The following HMCN1 variants were observed in gnomAD, a reference collection of about 807,000 sequenced individuals.
HMCN1 encodes the protein hemicentin 1.
HMCN1 carries 321 observed loss-of-function variants against 625.9 expected under a neutral mutation model. That is an observed-to-expected ratio of 0.51 (90% CI 0.47 to 0.56). The LOEUF is 0.56. HMCN1 is among the 20% of genes least tolerant of loss of function. HMCN1 has a pLI of 0.00. For missense variants in HMCN1, 6,588 were observed against 6,887.3 expected, an observed-to-expected ratio of 0.96 and a Z score of 1.54; for synonymous variants, 2,425 against 2,417.6, an observed-to-expected ratio of 1.00 and a Z score of -0.09.
In HMCN1 at chr1:185,871,664, C is replaced by A. The variant is rs191970701; in HGVS notation, c.621+5801C>A. Among the ~76,000 whole-genome samples the A allele has an allele frequency of 7.5e-4, 114 of 152,220 alleles. 1 individual carries two copies. Among genetic ancestry groups the A allele is most frequent in the South Asian group, 4.1e-4 (2 of 4,820 alleles). The stretch of plus-strand genomic sequence containing the variant: ...TTTTGCAACACATCCATGAAAAATT[C>A]AAATCCTGGCAATGAAAAGCCTCAT... On this transcript the variant is annotated intron_variant, in intron 4 of 106. Transcript: ENST00000271588.
chr1:185,763,032 A>G (rs887564721), intron 1 of HMCN1, among the ~76,000 whole-genome samples: 8 of 152,310 alleles, frequency 5.3e-5, no homozygotes, highest in Admixed American at 2.0e-4. Flanking sequence ...AGAAGAACGG[A>G]GATCTGTCCT....
At chr1:186,122,487 T>C (rs1275701157) in intron 80 of HMCN1, among the ~76,000 whole-genome samples, 1 of 152,202 alleles carries the variant, frequency 6.6e-6, no homozygotes, top group Non-Finnish European at 1.5e-5. Context: ...TTAGTTCAAA[T>C]AATCCTTTAT....
chr1:185,847,395 A>T (rs796172414), intron 2 of HMCN1, among the ~76,000 whole-genome samples: 21 of 152,290 alleles, frequency 1.4e-4, no homozygotes, highest in African/African-American at 4.8e-4. Context: ...CTTCTCAATG[A>T]CAATTCCAAA....
chr1:185,989,766 A>ATT, intron 21 of HMCN1, 119 bp downstream of exon 21: 1 of 715,266 alleles, frequency 1.4e-6, no homozygotes, highest in South Asian at 2.0e-5. Context: ...GCTCCCCCAG[A>ATT]TTTCTATTTT....
At chr1:185,880,466 T>G (rs1017280576) in intron 4 of HMCN1, among the ~76,000 whole-genome samples, 21 of 152,328 alleles carry the variant, frequency 1.4e-4, no homozygotes, top group African/African-American at 4.1e-4. Flanking sequence ...ATACTTTGAA[T>G]GGGCTCTTCC....
intron 4 of HMCN1, among the ~76,000 whole-genome samples, chr1:185,872,306 G>C (rs1038376326): frequency 6.6e-6 from 1 of 152,062 alleles, no homozygotes; most frequent in Non-Finnish European, 1.5e-5. Context: ...GTATGTGCTA[G>C]GAATGCTAAT....
At chr1:185,909,554 G>A (rs1312360177) in intron 5 of HMCN1, 46 bp downstream of exon 5, 1 of 1,518,110 alleles carries the variant, frequency 6.6e-7, no homozygotes, top group Non-Finnish European at 9.1e-7. Flanking sequence ...AATACATAGA[G>A]GGTAAAATAC....
Position 186,108,469 on chromosome 1 carries a change from A to T in HMCN1, c.10861A>T (p.Asn3621Tyr). 6.2e-7 allele frequency: 1 copy of T among 1,614,068 alleles called. No individual in the cohort carries two copies. Among genetic ancestry groups the T allele is most frequent in the South Asian group, 1.1e-5 (1 of 91,072 alleles). The change falls in exon 71 of 107, where the codon AAT (asparagine) becomes TAT (tyrosine). Residue 3621 changes from asparagine to tyrosine, a missense_variant. Physicochemically the swap from Asn to Tyr is moderately radical, Grantham distance 143. Transcript: ENST00000271588. ...EYLVRVHVPP[N>Y]IAGTDEPRDI... is the part of the protein sequence containing the mutation. ...TTTGTTCTCACACCCAGTACCTCCT[A>T]ATATTGCTGGAACTGATGAGCCCCG... is the stretch of plus-strand genomic sequence containing the variant.
chr1:186,087,976 A>C lies in HMCN1; in HGVS notation c.9408A>C (p.Ala3136=). 3 of 1,613,216 alleles carry C rather than the reference A, an allele frequency of 1.9e-6. No individual in the cohort carries two copies. Among genetic ancestry groups the C allele is most frequent in the Non-Finnish European group, 2.5e-6 (3 of 1,179,412 alleles). ...GQYVCRAINV[A]GRDDKNFHLN... ...ATGTATGTAGAGCTATAAATGTAGC[A>C]GGACGGGATGATAAAAATTTCCACC... The change falls in exon 61 of 107, where the codon GCA becomes GCC. Residue 3136 remains alanine (A), a synonymous_variant. Transcript: ENST00000271588.
chr1:185,757,615 G>T (rs1046253387), intron 1 of HMCN1, among the ~76,000 whole-genome samples: 1 of 151,822 alleles, frequency 6.6e-6, no homozygotes, highest in Non-Finnish European at 1.5e-5. Context: ...ATTACTCAAA[G>T]ACCAATTATT....
chr1:185,902,405 C>CTCTGTCTATCTATCTATCTA (rs1553256293), intron 4 of HMCN1, among the ~76,000 whole-genome samples: 1 of 145,358 alleles, frequency 6.9e-6, no homozygotes, highest in African/African-American at 2.6e-5. Flanking sequence ...ATCTATCTAT[C>CTCTGTCTATCTATCTATCTA]TCTATCTATC....
In HMCN1 at chr1:186,018,866, A is replaced by G. The variant is rs1571724955; in HGVS notation, c.5470+514A>G. On this transcript the variant is annotated intron_variant, in intron 34 of 106. Transcript: ENST00000271588. ...TAGGATTATAACCATTACTCTAACG[A>G]CAGAAGCAACCCTCTGCCAGGGTAT... 2.6e-5 allele frequency among the ~76,000 whole-genome samples: 4 copies of G among 152,040 alleles called. No individual in the cohort carries two copies. The South Asian group carries it at 8.3e-4, about 31-fold the overall frequency.
Position 186,144,579 on chromosome 1 carries a change from G to A in HMCN1, c.14142G>A (p.Val4714=), listed in dbSNP as rs1293829696. 4 of 1,614,110 alleles carry A rather than the reference G, an allele frequency of 2.5e-6. No homozygotes were observed. Among genetic ancestry groups the A allele is most frequent in the Non-Finnish European group, 3.4e-6 (4 of 1,180,014 alleles). Residue 4714 remains valine (V), a synonymous_variant, in exon 91 of 107, where the codon GTG becomes GTA. Transcript: ENST00000271588. ...ATWASWSACS[V]SCGGGARQRT... is the part of the protein sequence containing the mutation. ...GGGCCAGTTGGAGTGCCTGTTCTGTGTCATGTGGAGGAGGTGCCAGACAGA... is the reference window on the plus strand; with the variant it reads ...GGGCCAGTTGGAGTGCCTGTTCTGTATCATGTGGAGGAGGTGCCAGACAGA...
chr1:185,826,184 T>A (rs1399759198), intron 1 of HMCN1, among the ~76,000 whole-genome samples: 1 of 152,234 alleles, frequency 6.6e-6, no homozygotes, highest in Non-Finnish European at 1.5e-5. Context: ...ATTCAATTCC[T>A]GAATGTATAA....
intron 4 of HMCN1, among the ~76,000 whole-genome samples, chr1:185,893,052 G>A (rs866049729): frequency 5.3e-5 from 8 of 152,166 alleles, no homozygotes; most frequent in African/African-American, 1.7e-4. Context: ...CGCAGTATTC[G>A]GGTGCAAGTG....
intron 4 of HMCN1, among the ~76,000 whole-genome samples, chr1:185,903,669 TG>T (rs1163195152): frequency 6.6e-6 from 1 of 151,682 alleles, no homozygotes; most frequent in African/African-American, 2.4e-5. Context: ...AAGTCTCAAG[TG>T]GTGATATTTC....
At chr1:185,956,017 T>A (rs566918800) in intron 11 of HMCN1, among the ~76,000 whole-genome samples, 1 of 152,286 alleles carries the variant, frequency 6.6e-6, no homozygotes, top group South Asian at 2.1e-4. Context: ...CTTTGTTCGG[T>A]TATCCTCTAG....
intron 72 of HMCN1, among the ~76,000 whole-genome samples, chr1:186,113,431 T>C (rs992736758): frequency 1.3e-5 from 2 of 152,236 alleles, no homozygotes; most frequent in African/African-American, 4.8e-5. Context: ...ATTTAATATA[T>C]AAAATTTTAC....
chr1:185,803,376 A>G (rs1334416041), intron 1 of HMCN1, among the ~76,000 whole-genome samples: 1 of 152,042 alleles, frequency 6.6e-6, no homozygotes, highest in East Asian at 1.9e-4. Context: ...AACTTTCATC[A>G]TAGTAACTTA....
Sources: allele counts gnomAD v4.1 joint callset (sites outside exome capture counted in the v4.1 genomes callset), GRCh38; gene constraint gnomAD v4.1.1; transcripts MANE v1.5; gene names NCBI Gene and HGNC (gene_info 2026-07-23, HGNC 2026-07-21).